ETNK1: variants seen among roughly 807,000 people sequenced by gnomAD.
The protein encoded by ETNK1 is ethanolamine kinase 1.
A neutral mutation model predicts 45.1 loss-of-function variants in ETNK1; 8 were observed. The ratio of observed to expected loss-of-function variants is 0.18; its 90% CI spans 0.10 to 0.32. The LOEUF (loss-of-function observed/expected upper bound fraction) is 0.32. ETNK1 is among the 10% of genes least tolerant of loss of function. The probability of loss-of-function intolerance (pLI) is 1.00; values close to 1 mark genes in which losing one functional copy is unlikely to be tolerated. For synonymous variants in ETNK1, 152 were observed against 151.9 expected, an observed-to-expected ratio of 1.00 and a Z score of -0.01; for missense variants, 302 against 430.6, an observed-to-expected ratio of 0.70 and a Z score of 2.64.
rs771061531 is a variant in ETNK1 at position 22,685,145 on chromosome 12, A to C, written c.*191A>C. The C allele has an allele frequency of 7.8e-5, 38 of 486,828 alleles. No homozygotes were observed. The highest frequency in any genetic ancestry group is 1.3e-4 in the Non-Finnish European group (37 of 275,266). 30.2% of individuals were successfully genotyped at this position (486,828 alleles called of 1,614,324 possible). A position where few individuals can be genotyped will look rare whatever the true frequency, so the allele number is the denominator to read the frequency against. On this transcript the variant is annotated 3_prime_UTR_variant, in exon 8 of 8. Coordinates refer to ENST00000266517, the MANE Select transcript of ETNK1 (RefSeq NM_018638.5). Reference sequence around the variant, plus strand: ...GATGTCAAGAAATATACCTACTGCTATCCGTATGTGGTGGATTAGAAATGT... The same window carrying C: ...GATGTCAAGAAATATACCTACTGCTCTCCGTATGTGGTGGATTAGAAATGT...
At chr12:22,625,952 C>T in intron 1 of ETNK1, 1 of 516,298 alleles carries the variant, frequency 1.9e-6, no homozygotes, top group Non-Finnish European at 3.7e-6. Context: ...TCTACCTCCT[C>T]CCCTCCCACC....
chr12:22,627,299 T>C (rs779520617), intron 1 of ETNK1, among the ~76,000 whole-genome samples: 5 of 152,300 alleles, frequency 3.3e-5, no homozygotes, highest in Non-Finnish European at 7.4e-5. Context: ...AGTAACTACG[T>C]GTGTTTAAAT....
chr12:22,655,076 C>G (rs1953921124), intron 2 of ETNK1, among the ~76,000 whole-genome samples: 1 of 152,186 alleles, frequency 6.6e-6, no homozygotes, highest in Non-Finnish European at 1.5e-5. Flanking sequence ...AAGCGATTCT[C>G]CTGCCTCAGC....
chr12:22,643,071 G>A (rs747441096), intron 1 of ETNK1, among the ~76,000 whole-genome samples: 37 of 151,970 alleles, frequency 2.4e-4, no homozygotes, highest in Admixed American at 7.9e-4. Flanking sequence ...CTTCCTGTAA[G>A]GTTGCGTTTT....
intron 4 of ETNK1, among the ~76,000 whole-genome samples, chr12:22,662,065 C>T (rs1346116986): frequency 2.1e-5 from 3 of 146,092 alleles, no homozygotes; most frequent in South Asian, 2.2e-4. Context: ...CACCCCCCCC[C>T]CCTTTTTTTT....
At chr12:22,660,979 G>C in intron 3 of ETNK1, 84 bp from the exon 4 acceptor site, 3 of 1,181,856 alleles carry the variant, frequency 2.5e-6, no homozygotes, top group Non-Finnish European at 3.6e-6. Context: ...AAATTGAAGG[G>C]ATTTATTCAA....
chr12:22,656,317 T>G, intron 2 of ETNK1: 1 of 696,902 alleles, frequency 1.4e-6, no homozygotes, highest in Non-Finnish European at 1.8e-6. Context: ...TCAAAATACT[T>G]TATTTAAAAA....
At chr12:22,638,005 G>C (rs1290903165) in intron 1 of ETNK1, among the ~76,000 whole-genome samples, 1 of 151,948 alleles carries the variant, frequency 6.6e-6, no homozygotes, top group African/African-American at 2.4e-5. Context: ...GAGTTGAAAG[G>C]TAGTTTAGGG....
rs899358167 is a variant in ETNK1, at chr12:22,689,462, C to T, written c.*4508C>T. 2.0e-5 allele frequency: 3 copies of T among 151,794 alleles called. No individual in the cohort carries two copies. The highest frequency in any genetic ancestry group is 2.0e-4 in the Admixed American group (3 of 15,248). 9.4% of individuals were successfully genotyped at this position (151,794 alleles called of 1,614,324 possible). The stretch of plus-strand genomic sequence containing the variant: ...ATCGCTTTCTAAAATACTCTTAATC[C>T]CATTGTTTTGGTTAACATCTTACCC... On this transcript the variant is annotated 3_prime_UTR_variant, in exon 8 of 8. Transcript: ENST00000266517.
intron 4 of ETNK1, among the ~76,000 whole-genome samples, chr12:22,669,222 TA>T: frequency 6.6e-6 from 1 of 152,174 alleles, no homozygotes; most frequent in Non-Finnish European, 1.5e-5. Context: ...CATTGTGTTT[TA>T]GTCTTTTTAC....
intron 1 of ETNK1, among the ~76,000 whole-genome samples, chr12:22,640,194 T>G (rs1953716951): frequency 6.6e-6 from 1 of 152,206 alleles, no homozygotes; most frequent in Non-Finnish European, 1.5e-5. Flanking sequence ...AATCCATTAT[T>G]AATTTCCCTA....
At position 22,625,244 on chromosome 12, in the gene ETNK1, C is replaced by A; in HGVS notation, c.-187C>A. 3.7e-6 allele frequency: 6 copies of A among 1,612,056 alleles called. No individual in the cohort carries two copies. Among genetic ancestry groups the A allele is most frequent in the Non-Finnish European group, 5.1e-6 (6 of 1,179,600 alleles). ...GGGCCGGGCTCAGTTCAGCTGCTGT[C>A]CAGACCCGGATCGGCAACAGTGCCG... On this transcript the variant is annotated 5_prime_UTR_variant, in exon 1 of 8. Transcript: ENST00000266517.
At chr12:22,633,493 C>T (rs566412855) in intron 1 of ETNK1, among the ~76,000 whole-genome samples, 7 of 152,236 alleles carry the variant, frequency 4.6e-5, no homozygotes, top group African/African-American at 1.7e-4. Context: ...TGTAGGACTC[C>T]AGCTTTGTTC....
At chr12:22,630,570 C>G (rs1382712253) in intron 1 of ETNK1, among the ~76,000 whole-genome samples, 3 of 152,136 alleles carry the variant, frequency 2.0e-5, no homozygotes, top group South Asian at 2.1e-4. Context: ...TTTAGGACAT[C>G]ATGGGAAGCC....
intron 4 of ETNK1, among the ~76,000 whole-genome samples, chr12:22,668,068 CACCT>C (rs1326903906): frequency 1.3e-5 from 2 of 152,304 alleles, no homozygotes; most frequent in East Asian, 3.9e-4. Context: ...TAAAATAACA[CACCT>C]AGCCCTTAAA....
chr12:22,628,100 A>G (rs1160916487), intron 1 of ETNK1, among the ~76,000 whole-genome samples: 1 of 152,120 alleles, frequency 6.6e-6, no homozygotes, highest in African/African-American at 2.4e-5. Context: ...AAACAACAAT[A>G]CAGCCACAGT....
Position 22,689,715 on chromosome 12 carries a change from G to T in ETNK1, c.*4761G>T, listed in dbSNP as rs1954288039. ...TCCCTGTAAATTAGCTCCTGTGACT[G>T]GAAAAGACCCCAAAAAGGCAGTAGA... On this transcript the variant is annotated 3_prime_UTR_variant, in exon 8 of 8. Coordinates refer to ENST00000266517, the MANE Select transcript of ETNK1 (RefSeq NM_018638.5). The T allele has an allele frequency of 6.6e-6, 1 of 151,952 alleles. No homozygotes were observed. The highest frequency in any genetic ancestry group is 2.1e-4 in the South Asian group (1 of 4,828). 9.4% of individuals were successfully genotyped at this position (151,952 alleles called of 1,614,324 possible). A position where few individuals can be genotyped will look rare whatever the true frequency, so the allele number is the denominator to read the frequency against.
At chr12:22,673,793 C>A in intron 6 of ETNK1, 133 bp downstream of exon 6, 1 of 900,350 alleles carries the variant, frequency 1.1e-6, no homozygotes, top group Non-Finnish European at 1.7e-6. Context: ...AATACATGAC[C>A]ATTTACAGTA....
chr12:22,650,232 A>G (rs183257881), intron 2 of ETNK1, among the ~76,000 whole-genome samples: 3 of 150,642 alleles, frequency 2.0e-5, no homozygotes, highest in East Asian at 3.9e-4. Flanking sequence ...CATGTTATCT[A>G]TGAACAAAGA....
Sources: gnomAD v4.1 joint callset for allele counts (sites outside exome capture counted in the v4.1 genomes callset) on GRCh38, gnomAD v4.1.1 for gene constraint, MANE v1.5 for transcripts, NCBI Gene and HGNC (gene_info 2026-07-23, HGNC 2026-07-21) for gene names.